Variants in COLEC12 observed in about 807,000 individuals in gnomAD.
COLEC12 encodes collectin subfamily member 12.
A neutral mutation model predicts 71.1 loss-of-function variants in COLEC12; 33 were observed. The ratio of observed to expected loss-of-function variants is 0.46; its 90% CI spans 0.35 to 0.62. COLEC12 has a LOEUF of 0.62. Among genes scored for constraint, COLEC12 ranks in the 20% least tolerant of loss-of-function variants. The probability of loss-of-function intolerance (pLI) is 0.00; values close to 1 mark genes in which losing one functional copy is unlikely to be tolerated. For synonymous variants in COLEC12, 350 were observed against 353.0 expected (o/e 0.99, Z 0.10); for missense variants, 765 against 916.1 (o/e 0.84, Z 2.13).
chr18:349,019 C>G (rs1280858903), intron 3 of COLEC12, among the ~76,000 whole-genome samples: 1 of 152,200 alleles, frequency 6.6e-6, no homozygotes, highest in African/African-American at 2.4e-5. Flanking sequence ...CTCACAAGAT[C>G]TGATGGTCTT....
At chr18:437,607 C>T (rs1472301861) in intron 2 of COLEC12, among the ~76,000 whole-genome samples, 5 of 152,152 alleles carry the variant, frequency 3.3e-5, no homozygotes, top group South Asian at 2.1e-4. Flanking sequence ...TTCCTAAGTA[C>T]GATTAGAAAG....
chr18:362,110 C>T lies in COLEC12; in HGVS notation c.59-4588G>A, dbSNP rs1367477005. Among the ~76,000 whole-genome samples, 5 of 152,194 alleles carry T rather than the reference C, an allele frequency of 3.3e-5. No homozygotes were observed. Among genetic ancestry groups the T allele is most frequent in the East Asian group, 1.9e-4 (1 of 5,192 alleles). On this transcript the variant is annotated intron_variant, in intron 2 of 9. Transcript: ENST00000400256. This position sits in a 1 kb window ranked among gnomAD's most constrained non-coding sequence, Gnocchi z 4.6. ...CTCATCTTTCCCTCCCATCCTTCCC[C>T]GTGAGCTAGCCCTGTGGCCGCCAGG...
chr18:429,191 T>C (rs1244483407), intron 2 of COLEC12, among the ~76,000 whole-genome samples: 2 of 146,152 alleles, frequency 1.4e-5, no homozygotes, highest in African/African-American at 2.5e-5. Context: ...CTACTCTGTG[T>C]GTGTTTTTAT....
chr18:391,479 C>T (rs1915462889), intron 2 of COLEC12, among the ~76,000 whole-genome samples: 1 of 152,176 alleles, frequency 6.6e-6, no homozygotes, highest in African/African-American at 2.4e-5. Flanking sequence ...CCGGAATCTC[C>T]TCCCTGACTA....
At chr18:375,217 G>A (rs920793067) in intron 2 of COLEC12, among the ~76,000 whole-genome samples, 3 of 152,154 alleles carry the variant, frequency 2.0e-5, no homozygotes, top group African/African-American at 4.8e-5. Flanking sequence ...GCCCTACACT[G>A]TCTGCCTCCA....
In COLEC12 at chr18:408,999, A is replaced by C. The variant is rs1484640432; in HGVS notation, c.59-51477T>G. ...AGGCACATACCACCACGCCTAGCTA[A>C]ATTTTGTATTTTTTTTTGGAGAGAC... On this transcript the variant is annotated intron_variant, in intron 2 of 9. Coordinates refer to ENST00000400256, the MANE Select transcript of COLEC12 (RefSeq NM_130386.3). The surrounding 1 kb of genome is among the most constrained non-coding windows in gnomAD (Gnocchi z 4.3). Among the ~76,000 whole-genome samples, 1 of 151,568 alleles carries C rather than the reference A, an allele frequency of 6.6e-6. No homozygotes were observed. The highest frequency in any genetic ancestry group is 2.4e-5 in the African/African-American group (1 of 41,150).
chr18:462,452 G>A (rs563721864), intron 2 of COLEC12, among the ~76,000 whole-genome samples: 75 of 152,282 alleles, frequency 4.9e-4, no homozygotes, highest in East Asian at 1.7e-3. Flanking sequence ...GATATGAAAC[G>A]TTCAGCACAG....
At chr18:477,577 T>C (rs1917328383) in intron 2 of COLEC12, among the ~76,000 whole-genome samples, 1 of 152,208 alleles carries the variant, frequency 6.6e-6, no homozygotes, top group Admixed American at 6.5e-5. Flanking sequence ...CTGTCACACT[T>C]TGATATTCTG....
intron 2 of COLEC12, among the ~76,000 whole-genome samples, chr18:381,124 C>T (rs1316305241): frequency 6.6e-6 from 1 of 152,100 alleles, no homozygotes; most frequent in Non-Finnish European, 1.5e-5. Flanking sequence ...AAGGTAAGTA[C>T]TGGAAGGAAC....
intron 2 of COLEC12, among the ~76,000 whole-genome samples, chr18:414,813 C>A (rs531656996): frequency 1.3e-5 from 2 of 152,298 alleles, no homozygotes; most frequent in South Asian, 4.1e-4. Context: ...AGCCTGCAGA[C>A]CACAGCAAAC....
chr18:471,696 CTTAG>C (rs1256353206), intron 2 of COLEC12, among the ~76,000 whole-genome samples: 4 of 150,786 alleles, frequency 2.7e-5, no homozygotes, highest in Non-Finnish European at 5.9e-5. Context: ...TTTTGTATAA[CTTAG>C]TATTACATTT....
At chr18:377,669 G>C (rs1915143257) in intron 2 of COLEC12, among the ~76,000 whole-genome samples, 1 of 152,216 alleles carries the variant, frequency 6.6e-6, no homozygotes, top group South Asian at 2.1e-4. Context: ...GGGAATCCTT[G>C]GCCATTGCTG....
chr18:319,796 C>T lies in COLEC12; in HGVS notation c.*249G>A, dbSNP rs1005668965. ...ATTTGTATAATCGCACGGTTACTGACGGAGGAGAATCTATGTGATTCAGTC... is the reference window on the plus strand; with the variant it reads ...ATTTGTATAATCGCACGGTTACTGATGGAGGAGAATCTATGTGATTCAGTC... On this transcript the variant is annotated 3_prime_UTR_variant, in exon 10 of 10. Transcript: ENST00000400256. The T allele has an allele frequency of 5.0e-5, 26 of 518,962 alleles. No homozygotes were observed. The highest frequency in any genetic ancestry group is 5.1e-4 in the Middle Eastern group (1 of 1,980). 32.1% of individuals were successfully genotyped at this position (518,962 alleles called of 1,614,324 possible).
intron 1 of COLEC12, among the ~76,000 whole-genome samples, chr18:499,545 G>A (rs548034416): frequency 6.6e-6 from 1 of 152,316 alleles, no homozygotes; most frequent in African/African-American, 2.4e-5. Context: ...CGGGGTGACC[G>A]CGGTCAGATG....
chr18:478,783 T>C (rs1273330596), intron 2 of COLEC12, among the ~76,000 whole-genome samples: 1 of 152,232 alleles, frequency 6.6e-6, no homozygotes, highest in East Asian at 1.9e-4. Context: ...TTTCCCATTT[T>C]AATTTCGTCC....
intron 2 of COLEC12, among the ~76,000 whole-genome samples, chr18:467,616 GCTTT>G (rs1290197340): frequency 6.6e-6 from 1 of 152,208 alleles, no homozygotes; most frequent in African/African-American, 2.4e-5. Context: ...GAAACATTAT[GCTTT>G]CTATTAAATT....
intron 6 of COLEC12, 33 bp from the exon 7 acceptor site, chr18:333,176 A>C: frequency 6.4e-7 from 1 of 1,561,998 alleles, no homozygotes; most frequent in Non-Finnish European, 8.7e-7. Context: ...CATTGATTAA[A>C]AGATCACAGA....
rs1284108825 is a variant in COLEC12 at position 362,284 on chromosome 18, C to G, written c.59-4762G>C. 2.0e-5 allele frequency among the ~76,000 whole-genome samples: 3 copies of G among 152,294 alleles called. No homozygotes were observed. In the East Asian group the frequency reaches 5.8e-4, roughly 29 times the overall value. On this transcript the variant is annotated intron_variant, in intron 2 of 9. Coordinates refer to ENST00000400256, the MANE Select transcript of COLEC12 (RefSeq NM_130386.3). This position sits in a 1 kb window ranked among gnomAD's most constrained non-coding sequence, Gnocchi z 4.6. Reference sequence around the variant, plus strand: ...ATCAATATCAGATGGCACTGCCTGGCCTCCCTTTCCACTTGACACGCTTTC... The same window carrying G: ...ATCAATATCAGATGGCACTGCCTGGGCTCCCTTTCCACTTGACACGCTTTC...
intron 2 of COLEC12, among the ~76,000 whole-genome samples, chr18:451,728 C>T (rs1425333993): frequency 6.7e-6 from 1 of 149,622 alleles, no homozygotes; most frequent in African/African-American, 2.5e-5. Flanking sequence ...GCCTGGACAA[C>T]AAAGCGAGAC....
Sources: gnomAD v4.1 joint callset for allele counts (sites outside exome capture counted in the v4.1 genomes callset) on GRCh38, gnomAD v4.1.1 for gene constraint, Gnocchi (gnomAD v3.1) non-coding constraint, MANE v1.5 for transcripts, NCBI Gene and HGNC (gene_info 2026-07-23, HGNC 2026-07-21) for gene names.